The following ADAMTS5 variants were observed in gnomAD, a reference collection of about 807,000 sequenced individuals.
ADAMTS5 encodes A disintegrin and metalloproteinase with thrombospondin motifs 5.
A neutral mutation model predicts 81.4 loss-of-function variants in ADAMTS5; 54 were observed. The observed-to-expected ratio is 0.66, with a 90% confidence interval of 0.53 to 0.83. The LOEUF is 0.83. Among genes scored for constraint, ADAMTS5 ranks in the 40% least tolerant of loss-of-function variants. The probability of loss-of-function intolerance (pLI) is 0.00; values close to 1 mark genes in which losing one functional copy is unlikely to be tolerated. For synonymous variants in ADAMTS5, 532 were observed against 508.8 expected (o/e 1.05, Z -0.61); for missense variants, 1,194 against 1,229.9 (o/e 0.97, Z 0.44).
chr21:26,965,725 G>A lies in ADAMTS5; in HGVS notation c.667C>T (p.Pro223Ser), dbSNP rs756842649. Residue 223 changes from proline to serine, a missense_variant, in exon 1 of 8, where the codon CCG (proline) becomes TCG (serine). Pro to Ser is a moderately conservative substitution (Grantham distance 74, BLOSUM62 -1). Coordinates refer to ENST00000284987, the MANE Select transcript of ADAMTS5 (RefSeq NM_007038.5). ...CGTCCGCTCGGGTTGCTGTGCGCCG[G>A]AGCATGCTCGTGGGCCTCCGGTGTG... ...ASTPEAHEHA[P>S]AHSNPSGRAA... The A allele has an allele frequency of 7.5e-6, 12 of 1,590,284 alleles. No individual in the cohort carries two copies. The highest frequency in any genetic ancestry group is 1.3e-5 in the African/African-American group (1 of 74,450).
chr21:26,948,141 C>G (rs1261295396), intron 2 of ADAMTS5, among the ~76,000 whole-genome samples: 1 of 152,202 alleles, frequency 6.6e-6, no homozygotes, highest in African/African-American at 2.4e-5. Context: ...GTTAGAAAAT[C>G]TGTGATAATG....
At chr21:26,944,767 A>C (rs1357856454) in intron 2 of ADAMTS5, among the ~76,000 whole-genome samples, 1 of 152,150 alleles carries the variant, frequency 6.6e-6, no homozygotes, top group Non-Finnish European at 1.5e-5. Context: ...AATAAAACCC[A>C]ACAGAGATGA....
chr21:26,941,436 C>G (rs891316458), intron 3 of ADAMTS5, among the ~76,000 whole-genome samples: 2 of 151,980 alleles, frequency 1.3e-5, no homozygotes, highest in African/African-American at 2.4e-5. Flanking sequence ...AGAGCATAGA[C>G]TCTTTTAAAT....
chr21:26,936,406 T>C (rs1987014532), intron 3 of ADAMTS5, among the ~76,000 whole-genome samples: 1 of 152,250 alleles, frequency 6.6e-6, no homozygotes, highest in African/African-American at 2.4e-5. Context: ...TATCCCAGTA[T>C]ATTTAACAGC....
chr21:26,933,159 T>G, intron 4 of ADAMTS5, 115 bp from the exon 5 acceptor site: 8 of 1,069,878 alleles, frequency 7.5e-6, no homozygotes, highest in Non-Finnish European at 1.1e-5. Context: ...CAGATACAGT[T>G]ATATTTTCAC....
At chr21:26,932,638 T>C (rs374276420) in intron 5 of ADAMTS5, among the ~76,000 whole-genome samples, 1 of 152,072 alleles carries the variant, frequency 6.6e-6, no homozygotes, top group African/African-American at 2.4e-5. Flanking sequence ...GAGGTGGAGA[T>C]TGCAGTGAGC....
At chr21:26,965,110 G>T (rs537318179) in intron 1 of ADAMTS5, among the ~76,000 whole-genome samples, 178 bp downstream of exon 1, 6 of 152,290 alleles carry the variant, frequency 3.9e-5, no homozygotes, top group South Asian at 2.1e-4. Context: ...AAAAATTTCT[G>T]CGGGGCTAAC....
intron 1 of ADAMTS5, among the ~76,000 whole-genome samples, chr21:26,963,153 G>C (rs1054447335): frequency 2.0e-5 from 3 of 151,900 alleles, no homozygotes; most frequent in South Asian, 2.1e-4. Flanking sequence ...TATTTTCCAT[G>C]TGTAGACTAG....
rs1034375419 is a variant in ADAMTS5, at chr21:26,951,544, T to C, written c.1237+3195A>G. ...AAATACAAAAATCAGCCAGGTGTGG[T>C]GGTTGGTGCCTGTAATCCCAGCTGC... On this transcript the variant is annotated intron_variant, in intron 2 of 7. Coordinates refer to ENST00000284987, the MANE Select transcript of ADAMTS5 (RefSeq NM_007038.5). 3.3e-5 allele frequency among the ~76,000 whole-genome samples: 5 copies of C among 151,290 alleles called. No individual in the cohort carries two copies. The South Asian group carries it at 1.0e-3, about 32-fold the overall frequency.
rs1190448955 is a variant in ADAMTS5 at position 26,932,014 on chromosome 21, A to C, written c.2039T>G (p.Phe680Cys). 5 of 1,612,372 alleles carry C rather than the reference A, an allele frequency of 3.1e-6. No individual in the cohort carries two copies. The highest frequency in any genetic ancestry group is 4.2e-6 in the Non-Finnish European group (5 of 1,179,242). Residue 680 changes from phenylalanine to cysteine, a missense_variant, in exon 6 of 8, where the codon TTT (phenylalanine) becomes TGT (cysteine). Around this residue, in one of 2 missense-constraint regions of ADAMTS5, gnomAD observed 696 missense variants for 817.6 expected, o/e 0.85. Coordinates refer to ENST00000284987, the MANE Select transcript of ADAMTS5 (RefSeq NM_007038.5). ...RAKGTGYYVV[F>C]SPKVTDGTEC... is the part of the protein sequence containing the mutation. ...TTGGTGTGTAGTTACCTTTGGAGAAAATACCACATAGTAGCCAGTGCCCTT... is the reference window on the plus strand; with the variant it reads ...TTGGTGTGTAGTTACCTTTGGAGAACATACCACATAGTAGCCAGTGCCCTT...
rs747760052 is a variant in ADAMTS5 at position 26,965,490 on chromosome 21, A to G, written c.902T>C (p.Leu301Pro). 1.2e-6 allele frequency: 2 copies of G among 1,614,240 alleles called. No homozygotes were observed. Among genetic ancestry groups the G allele is most frequent in the East Asian group, 4.5e-5 (2 of 44,868 alleles). ...GTTCTCGATGCTAGCATGGCTGTACAGCCTATTGGCGATGGAGGCCAGGGT... is the reference window on the plus strand; with the variant it reads ...GTTCTCGATGCTAGCATGGCTGTACGGCCTATTGGCGATGGAGGCCAGGGT... Reference protein sequence around the residue: ...LLTLASIANRLYSHASIENHI... With the variant: ...LLTLASIANRPYSHASIENHI... The change falls in exon 1 of 8, where the codon CTG becomes CCG. Residue 301 changes from leucine to proline, a missense_variant. Leu to Pro is a moderately conservative substitution (Grantham distance 98). Coordinates refer to ENST00000284987, the MANE Select transcript of ADAMTS5 (RefSeq NM_007038.5).
chr21:26,953,827 T>C (rs1276321562), intron 2 of ADAMTS5: 1 of 153,446 alleles, frequency 6.5e-6, no homozygotes, highest in Non-Finnish European at 1.5e-5. Context: ...CTCTACCCAA[T>C]ATATTCCCCA....
Position 26,965,995 on chromosome 21 carries a change from G to T in ADAMTS5, c.397C>A (p.Arg133=), listed in dbSNP as rs566023250. The change falls in exon 1 of 8, where the codon CGG becomes AGG. Residue 133 remains arginine, a synonymous_variant. Coordinates refer to ENST00000284987, the MANE Select transcript of ADAMTS5 (RefSeq NM_007038.5). ...PWRHRSHCFY[R]GTVDGSPRSL... ...CGGGGACTACCGTCCACTGTGCCCC[G>T]ATAGAAGCAGTGGCTCCGGTGGCGC... 1.6e-4 allele frequency: 264 copies of T among 1,613,214 alleles called. No homozygotes were observed. The highest frequency in any genetic ancestry group is 9.9e-4 in the Middle Eastern group (6 of 6,062).
At chr21:26,924,684 G>A (rs756280777) in intron 7 of ADAMTS5, 64 bp from the exon 8 acceptor site, 4 of 1,294,646 alleles carry the variant, frequency 3.1e-6, no homozygotes, top group Non-Finnish European at 4.3e-6. Context: ...AAAAAAATGA[G>A]TAAACACTTA....
At chr21:26,935,773 A>C (rs1987003114) in intron 3 of ADAMTS5, among the ~76,000 whole-genome samples, 1 of 152,138 alleles carries the variant, frequency 6.6e-6, no homozygotes, top group Non-Finnish European at 1.5e-5. Context: ...CTGTCCGGTG[A>C]GTTAACATCA....
chr21:26,932,398 A>T (rs1490570250), intron 5 of ADAMTS5, among the ~76,000 whole-genome samples: 1 of 152,100 alleles, frequency 6.6e-6, no homozygotes, highest in African/African-American at 2.4e-5. Flanking sequence ...ATAAAACTTA[A>T]AAATCACATA....
chr21:26,921,546 G>A lies in ADAMTS5; in HGVS notation c.*2507C>T, dbSNP rs751982511. The stretch of plus-strand genomic sequence containing the variant: ...ACAATGGAAAGGTGAAAGACAGTAC[G>A]AAGTCAAAGTGGACTGACTTAGATT... On this transcript the variant is annotated 3_prime_UTR_variant, in exon 8 of 8. Coordinates refer to ENST00000284987, the MANE Select transcript of ADAMTS5 (RefSeq NM_007038.5). 1.1e-4 allele frequency: 17 copies of A among 151,552 alleles called. No individual in the cohort carries two copies. Among genetic ancestry groups the A allele is most frequent in the Admixed American group, 4.0e-4 (6 of 15,162 alleles). 9.4% of individuals were successfully genotyped at this position (151,552 alleles called of 1,614,324 possible). A position where few individuals can be genotyped will look rare whatever the true frequency, so the allele number is the denominator to read the frequency against.
At chr21:26,963,209 A>G (rs1468620379) in intron 1 of ADAMTS5, among the ~76,000 whole-genome samples, 2 of 151,990 alleles carry the variant, frequency 1.3e-5, no homozygotes, top group South Asian at 2.1e-4. Flanking sequence ...ATTAAGATGG[A>G]CCATTAATTT....
At chr21:26,930,818 G>A (rs1568839885) in intron 6 of ADAMTS5, among the ~76,000 whole-genome samples, 1 of 152,046 alleles carries the variant, frequency 6.6e-6, no homozygotes, top group Non-Finnish European at 1.5e-5. Flanking sequence ...ATGTGTATGA[G>A]TATGTTGTGA....
Sources: gnomAD v4.1 joint callset for allele counts (sites outside exome capture counted in the v4.1 genomes callset) on GRCh38, gnomAD v4.1.1 for gene constraint, gnomAD v4.1.1 regional missense constraint, MANE v1.5 for transcripts, NCBI Gene and HGNC (gene_info 2026-07-23, HGNC 2026-07-21) for gene names.